The following POLR2E variants were observed in gnomAD, a reference collection of about 807,000 sequenced individuals.
POLR2E encodes DNA-directed RNA polymerases I, II, and III subunit RPABC1.
POLR2E carries 35 observed loss-of-function variants against 29.8 expected under a neutral mutation model. That is an observed-to-expected ratio of 1.17 (90% CI 0.90 to 1.55). The LOEUF is 1.55. Among genes scored for constraint, POLR2E ranks in the 40% most tolerant of loss-of-function variants. The pLI is 0.00. For synonymous variants in POLR2E, 174 were observed against 112.6 expected, an observed-to-expected ratio of 1.55 and a Z score of -3.45; for missense variants, 287 against 288.6, an observed-to-expected ratio of 0.99 and a Z score of 0.04.
At position 1,087,478 on chromosome 19, in the gene POLR2E, A is replaced by C. The variant is rs965182447; in HGVS notation, c.*1257T>G. On this transcript the variant is annotated 3_prime_UTR_variant, in exon 8 of 8. Transcript: ENST00000615234. Reference sequence around the variant, plus strand: ...ACCTCCAGAATTTTCTCATCTTCCCAAACTAAAACTGTGCACATGACACAC... The same window carrying C: ...ACCTCCAGAATTTTCTCATCTTCCCCAACTAAAACTGTGCACATGACACAC... 2 of 152,082 alleles carry C rather than the reference A, an allele frequency of 1.3e-5. No homozygotes were observed. Among genetic ancestry groups the C allele is most frequent in the African/African-American group, 4.8e-5 (2 of 41,344 alleles). 9.4% of individuals were successfully genotyped at this position (152,082 alleles called of 1,614,324 possible). A position where few individuals can be genotyped will look rare whatever the true frequency, so the allele number is the denominator to read the frequency against.
At chr19:1,091,497 T>G in intron 3 of POLR2E, 1 of 457,318 alleles carries the variant, frequency 2.2e-6, no homozygotes, top group Admixed American at 3.5e-5. Flanking sequence ...CTCCGGCTCC[T>G]GGAATCTGCA....
intron 4 of POLR2E, 122 bp from the exon 5 acceptor site, chr19:1,090,267 C>A: frequency 1.2e-6 from 1 of 842,526 alleles, no homozygotes; most frequent in South Asian, 1.4e-5. Context: ...ACCCCGATCC[C>A]CGGCACTCAG....
chr19:1,094,656 G>A lies in POLR2E; in HGVS notation c.58-578C>T, dbSNP rs933531527. 3 of 157,494 alleles carry A rather than the reference G, an allele frequency of 1.9e-5. No homozygotes were observed. The East Asian group carries it at 5.7e-4, about 30-fold the overall frequency. The allele number at this position is 157,494 out of a possible 1,614,324, so 9.8% of individuals were successfully genotyped here. A position where few individuals can be genotyped will look rare whatever the true frequency, so the allele number is the denominator to read the frequency against. On this transcript the variant is annotated intron_variant, in intron 1 of 7. Coordinates refer to ENST00000615234, the MANE Select transcript of POLR2E (RefSeq NM_002695.5). ...GGGCTTCGCTGAGGACAAGGGCAAA[G>A]GGTGGGAAGCAAGACAAAGCAAAAG... is the stretch of plus-strand genomic sequence containing the variant.
At chr19:1,089,746 G>C (rs950542193) in intron 6 of POLR2E, 138 bp downstream of exon 6, 12 of 804,026 alleles carry the variant, frequency 1.5e-5, no homozygotes, top group Non-Finnish European at 2.5e-5. Flanking sequence ...TTAAGAGGGG[G>C]ATATTGGGGG....
chr19:1,095,003 C>CTGGTCTGTCGTCGGCGAAT, intron 1 of POLR2E: 1 of 476,386 alleles, frequency 2.1e-6, no homozygotes, highest in Non-Finnish European at 3.7e-6. Flanking sequence ...CCGCCACGCG[C>CTGGTCTGTCGTCGGCGAAT]GCCGCACCAG....
intron 7 of POLR2E, among the ~76,000 whole-genome samples, chr19:1,089,155 C>T (rs925574959): frequency 1.3e-5 from 2 of 152,220 alleles, no homozygotes; most frequent in Admixed American, 6.5e-5. Context: ...GTTTCTAAAC[C>T]CTCTTCTGGA....
intron 5 of POLR2E, 59 bp downstream of exon 5, chr19:1,090,028 G>T: frequency 7.6e-7 from 1 of 1,311,112 alleles, no homozygotes; most frequent in Non-Finnish European, 1.1e-6. Flanking sequence ...GTGTGGGGGG[G>T]GAACGCGGAA....
chr19:1,094,341 GC>G (rs2043898813), intron 1 of POLR2E: 1 of 459,280 alleles, frequency 2.2e-6, no homozygotes. Context: ...CAGAAACCTG[GC>G]AGGGAGCAAA....
At chr19:1,089,413 G>A in intron 7 of POLR2E, 59 bp downstream of exon 7, 1 of 1,134,286 alleles carries the variant, frequency 8.8e-7, no homozygotes, top group Non-Finnish European at 1.3e-6. Context: ...CACACCGACG[G>A]AGGGGACGAC....
intron 1 of POLR2E, chr19:1,094,301 T>TA: frequency 2.0e-6 from 1 of 501,188 alleles, no homozygotes; most frequent in Non-Finnish European, 3.5e-6. Context: ...TGTCCAGCCT[T>TA]GACCAAGACC....
chr19:1,090,460 ATTTTTTT>A (rs58876047), intron 4 of POLR2E, among the ~76,000 whole-genome samples: 2 of 90,446 alleles, frequency 2.2e-5, no homozygotes, highest in African/African-American at 4.3e-5. Context: ...CGGGATCTGC[ATTTTTTT>A]TTTTTTTTTT....
At chr19:1,093,633 G>A (rs1420286261) in intron 2 of POLR2E, 8 of 774,642 alleles carry the variant, frequency 1.0e-5, no homozygotes, top group Non-Finnish European at 1.5e-5. Context: ...GACATGGGGG[G>A]CTGGGGGTGA....
chr19:1,090,460 A>T (rs1300842232), intron 4 of POLR2E, among the ~76,000 whole-genome samples: 61 of 90,408 alleles, frequency 6.7e-4, no homozygotes, highest in Middle Eastern at 0.01. Flanking sequence ...CGGGATCTGC[A>T]TTTTTTTTTT....
At chr19:1,093,488 A>C in intron 2 of POLR2E, among the ~76,000 whole-genome samples, 1 of 142,656 alleles carries the variant, frequency 7.0e-6, no homozygotes, top group South Asian at 2.6e-4. Flanking sequence ...GTGCGGAGGA[A>C]TGGGCTGGGG....
chr19:1,091,642 C>T (rs974411777), intron 3 of POLR2E, 150 bp downstream of exon 3: 25 of 621,948 alleles, frequency 4.0e-5, no homozygotes, highest in African/African-American at 9.1e-5. Context: ...GGGAGGCGGT[C>T]GGGGCTTGCC....
chr19:1,090,359 C>T (rs960756829), intron 4 of POLR2E, among the ~76,000 whole-genome samples: 1 of 145,584 alleles, frequency 6.9e-6, no homozygotes, highest in Non-Finnish European at 1.5e-5. Flanking sequence ...ACGGGCTGGG[C>T]ACAGCCACCT....
intron 4 of POLR2E, 81 bp downstream of exon 4, chr19:1,090,827 G>C: frequency 1.6e-6 from 2 of 1,246,542 alleles, no homozygotes; most frequent in South Asian, 2.6e-5. Context: ...CTGGGCCCCA[G>C]ATCCCACATC....
chr19:1,094,623 G>C (rs574081624), intron 1 of POLR2E: 4 of 156,778 alleles, frequency 2.6e-5, no homozygotes, highest in Non-Finnish European at 5.6e-5. Flanking sequence ...GAAGAATCAG[G>C]CTGCGGGGGG....
intron 1 of POLR2E, 27 bp from the exon 2 acceptor site, chr19:1,094,105 C>A: frequency 6.3e-7 from 1 of 1,588,924 alleles, no homozygotes; most frequent in South Asian, 1.1e-5. Flanking sequence ...CCAGCTGACC[C>A]CAGGGCAGAG....
Sources: allele counts gnomAD v4.1 joint callset (sites outside exome capture counted in the v4.1 genomes callset), GRCh38; gene constraint gnomAD v4.1.1; transcripts MANE v1.5; gene names NCBI Gene and HGNC (gene_info 2026-07-23, HGNC 2026-07-21).